The following MROH7 variants were observed in gnomAD, a reference collection of about 807,000 sequenced individuals.
The protein encoded by MROH7 is maestro heat like repeat family member 7, also known as maestro heat-like repeat-containing protein family member 7.
Under a neutral mutation model 129.2 loss-of-function variants are expected in MROH7, and 113 were observed. That is an observed-to-expected ratio of 0.87 (90% confidence interval 0.75 to 1.02). The LOEUF (loss-of-function observed/expected upper bound fraction) is 1.02, where lower values mean the gene tolerates loss of function less well. Among genes scored for constraint, MROH7 ranks in the 50% least tolerant of loss-of-function variants. The pLI is 0.00. For missense variants in MROH7, 1,601 were observed against 1,671.3 expected (o/e 0.96, Z 0.73); for synonymous variants, 655 against 667.9 (o/e 0.98, Z 0.30).
Position 54,695,443 on chromosome 1 carries a change from C to G in MROH7, c.2917C>G (p.Arg973Gly). 2 of 1,613,892 alleles carry G rather than the reference C, an allele frequency of 1.2e-6. No homozygotes were observed. The highest frequency in any genetic ancestry group is 1.7e-6 in the Non-Finnish European group (2 of 1,179,908). ...ILYLLIPLLE[R>G]GDEKHRITAT... is the part of the protein sequence containing the mutation. ...CTACCTGCTCATCCCGCTCCTGGAG[C>G]GAGGCGACGAGAAGCACAGGATCAC... The change falls in exon 17 of 24, where the codon CGA (arginine) becomes GGA (glycine). Residue 973 changes from arginine to glycine, a missense_variant. Physicochemically the swap from Arg to Gly is moderately radical, Grantham distance 125. Coordinates refer to ENST00000421030, the MANE Select transcript of MROH7 (RefSeq NM_001039464.4).
intron 22 of MROH7, among the ~76,000 whole-genome samples, chr1:54,708,621 C>T (rs1343261295): frequency 2.0e-5 from 3 of 152,168 alleles, no homozygotes; most frequent in Non-Finnish European, 2.9e-5. Flanking sequence ...CTGCTATAGC[C>T]TTGCCTGACA....
intron 15 of MROH7, among the ~76,000 whole-genome samples, chr1:54,688,025 G>A (rs1029249016): frequency 1.3e-5 from 2 of 150,700 alleles, no homozygotes; most frequent in Non-Finnish European, 3.0e-5. Flanking sequence ...TTCAAGACCA[G>A]CCTGGCCAAT....
At chr1:54,678,984 G>A in intron 11 of MROH7, 130 bp downstream of exon 11, 1 of 750,250 alleles carries the variant, frequency 1.3e-6, no homozygotes, top group Non-Finnish European at 2.3e-6. Flanking sequence ...ACCCACGCCT[G>A]TCCTGAGTGC....
chr1:54,707,537 T>C (rs1645555055), intron 22 of MROH7, among the ~76,000 whole-genome samples: 1 of 152,188 alleles, frequency 6.6e-6, no homozygotes, highest in Non-Finnish European at 1.5e-5. Flanking sequence ...TCAATGCTGG[T>C]GCAGAAGAAA....
chr1:54,660,785 A>G (rs938773390), intron 3 of MROH7, among the ~76,000 whole-genome samples: 1 of 152,206 alleles, frequency 6.6e-6, no homozygotes, highest in Non-Finnish European at 1.5e-5. Flanking sequence ...ATTGCACTCC[A>G]GCCTGGGCAA....
At chr1:54,690,796 TG>T (rs1645224978) in intron 15 of MROH7, among the ~76,000 whole-genome samples, 1 of 152,182 alleles carries the variant, frequency 6.6e-6, no homozygotes, top group African/African-American at 2.4e-5. Flanking sequence ...AAATGAGGAC[TG>T]GGAGGACTGG....
intron 1 of MROH7, among the ~76,000 whole-genome samples, chr1:54,645,870 C>G (rs1225718665): frequency 6.6e-6 from 1 of 151,998 alleles, no homozygotes; most frequent in East Asian, 1.9e-4. Flanking sequence ...CCAGGCTGGT[C>G]TTGAACTCCT....
chr1:54,695,540 G>T, intron 17 of MROH7, 50 bp downstream of exon 17: 1 of 1,183,812 alleles, frequency 8.4e-7, no homozygotes, highest in Non-Finnish European at 1.3e-6. Context: ...CCGGGCCTCG[G>T]TTCACGTCAC....
chr1:54,684,824 C>A (rs1210138327), intron 14 of MROH7, among the ~76,000 whole-genome samples: 1 of 152,166 alleles, frequency 6.6e-6, no homozygotes, highest in East Asian at 1.9e-4. Context: ...GTCTATCTTA[C>A]CTGTTGAGAA....
chr1:54,702,287 G>T (rs1478084449), intron 20 of MROH7, 42 bp downstream of exon 20: 13 of 1,379,824 alleles, frequency 9.4e-6, no homozygotes, highest in Non-Finnish European at 1.2e-5. Flanking sequence ...CCTCCCTCGG[G>T]TCCTGTGGGC....
intron 20 of MROH7, 120 bp from the exon 21 acceptor site, chr1:54,702,503 T>G: frequency 9.5e-7 from 1 of 1,048,808 alleles, no homozygotes; most frequent in Non-Finnish European, 1.3e-6. Context: ...ATTAAAAAAA[T>G]TAAAAATGGT....
intron 14 of MROH7, 49 bp downstream of exon 14, chr1:54,682,843 T>C (rs766921872): frequency 9.5e-6 from 15 of 1,586,046 alleles, no homozygotes; most frequent in Non-Finnish European, 1.3e-5. Flanking sequence ...CTGCCCTTCC[T>C]CTCTCCTTCC....
At chr1:54,698,000 C>T (rs1198029647) in intron 17 of MROH7, 2 of 313,670 alleles carry the variant, frequency 6.4e-6, no homozygotes, top group Non-Finnish European at 1.2e-5. Flanking sequence ...TCAGTCTTTT[C>T]CACCTCCCCA....
chr1:54,666,452 T>TTTTTTTTG (rs1644816698), intron 4 of MROH7, among the ~76,000 whole-genome samples: 3 of 100,202 alleles, frequency 3.0e-5, no homozygotes, highest in Non-Finnish European at 6.6e-5. Context: ...TTTTTTTTTT[T>TTTTTTTTG]GAGGCAGGGT....
intron 4 of MROH7, among the ~76,000 whole-genome samples, chr1:54,666,138 G>A (rs927570592): frequency 2.0e-5 from 3 of 152,230 alleles, no homozygotes; most frequent in Non-Finnish European, 4.4e-5. Flanking sequence ...GATATGCACA[G>A]CACCTACCAT....
Position 54,653,707 on chromosome 1 carries a change from A to G in MROH7, c.781A>G (p.Lys261Glu). ...ACATAATATCTCTGAGTCTGTTTCA[A>G]AAGGAGCCTTTAGTACCACCTGGAG... ...ASHNISESVS[K>E]GAFSTTWSTS... Residue 261 changes from lysine to glutamate, a missense_variant, in exon 3 of 24, where the codon AAA becomes GAA. By Grantham distance (56) the Lys-to-Glu change is moderately conservative (BLOSUM62 1). Coordinates refer to ENST00000421030, the MANE Select transcript of MROH7 (RefSeq NM_001039464.4). The G allele has an allele frequency of 6.2e-7, 1 of 1,614,224 alleles. No homozygotes were observed. The highest frequency in any genetic ancestry group is 8.5e-7 in the Non-Finnish European group (1 of 1,180,042).
In MROH7 at chr1:54,670,840, C is replaced by T. The variant is rs779608241; in HGVS notation, c.1510C>T (p.Leu504=). ...PTLGMRERSE[L]VNVCVHSVFS... is the part of the protein sequence containing the mutation. ...CCTGGGCATGCGGGAGAGGTCGGAG[C>T]TGGTGAACGTGTGTGTGCACAGCGT... Residue 504 remains leucine, a synonymous_variant, in exon 7 of 24, where the codon CTG becomes TTG. Coordinates refer to ENST00000421030, the MANE Select transcript of MROH7 (RefSeq NM_001039464.4). 6.2e-7 allele frequency: 1 copy of T among 1,614,082 alleles called. No individual in the cohort carries two copies.
intron 12 of MROH7, 85 bp downstream of exon 12, chr1:54,679,524 C>G (rs1392903157): frequency 3.5e-6 from 5 of 1,448,568 alleles, no homozygotes; most frequent in Non-Finnish European, 4.7e-6. Context: ...GCCGGCCAGA[C>G]AGTGGGCAGG....
intron 10 of MROH7, 22 bp downstream of exon 10, chr1:54,674,173 C>A: frequency 6.2e-7 from 1 of 1,604,898 alleles, no homozygotes; most frequent in Non-Finnish European, 8.5e-7. Flanking sequence ...CGGAGTACTT[C>A]TGAAGGAAGT....
Sources: gnomAD v4.1 joint callset for allele counts (sites outside exome capture counted in the v4.1 genomes callset) on GRCh38, gnomAD v4.1.1 for gene constraint, MANE v1.5 for transcripts, NCBI Gene and HGNC (gene_info 2026-07-23, HGNC 2026-07-21) for gene names.